AADACL4: variants seen among roughly 807,000 people sequenced by gnomAD.
AADACL4 encodes the protein arylacetamide deacetylase like 4.
AADACL4 carries 9 observed loss-of-function variants against 14.1 expected under a neutral mutation model. That is an observed-to-expected ratio of 0.64 (90% confidence interval 0.39 to 1.12). The LOEUF (loss-of-function observed/expected upper bound fraction) is 1.12. Ranked by LOEUF, AADACL4 falls within the 50% of genes most tolerant of loss-of-function variation. AADACL4 has a pLI of 0.01. For missense variants in AADACL4, 531 were observed against 516.1 expected (o/e 1.03, Z -0.28); for synonymous variants, 188 against 201.6 (o/e 0.93, Z 0.57).
At chr1:12,654,934 G>A (rs1459121356) in intron 2 of AADACL4, among the ~76,000 whole-genome samples, 3 of 152,110 alleles carry the variant, frequency 2.0e-5, no homozygotes, top group Admixed American at 6.5e-5. Flanking sequence ...GAATAAATAC[G>A]AGTCTCGCTG....
At position 12,651,093 on chromosome 1, in the gene AADACL4, C is replaced by T. The variant is rs117928838; in HGVS notation, c.169-30C>T. On this transcript the variant is annotated intron_variant, in intron 1 of 3. Coordinates refer to ENST00000376221, the MANE Select transcript of AADACL4 (RefSeq NM_001013630.2). ...CCATCCAGATTCTAACCTCTCCTAA[C>T]GTCTGGCTTTCTTTTGTTACCTCCA... 4.4e-4 allele frequency: 695 copies of T among 1,594,344 alleles called. 2 individuals are homozygous for T. The highest frequency in any genetic ancestry group is 2.5e-3 in the East Asian group (110 of 44,794).
At chr1:12,651,002 G>A in intron 1 of AADACL4, 121 bp from the exon 2 acceptor site, 1 of 955,172 alleles carries the variant, frequency 1.0e-6, no homozygotes, top group Non-Finnish European at 1.6e-6. Context: ...AGAGCCCCCT[G>A]TACCTACAGG....
intron 2 of AADACL4, among the ~76,000 whole-genome samples, chr1:12,657,507 A>C (rs754465923): frequency 1.5e-4 from 23 of 152,200 alleles, no homozygotes; most frequent in Non-Finnish European, 2.6e-4. Flanking sequence ...TGACACTATC[A>C]TGAGAATGAA....
At position 12,648,375 on chromosome 1, in the gene AADACL4, T is replaced by G. The variant is rs556096643; in HGVS notation, c.169-2748T>G. Reference sequence around the variant, plus strand: ...TTCCTTCCTTCCTTCCTTCCTTCCTTCCTTCCTTCCTTCCTTTCTTTCCTT... The same window carrying G: ...TTCCTTCCTTCCTTCCTTCCTTCCTGCCTTCCTTCCTTCCTTTCTTTCCTT... On this transcript the variant is annotated intron_variant, in intron 1 of 3. Transcript: ENST00000376221. Among the ~76,000 whole-genome samples, 7 of 149,846 alleles carry G rather than the reference T, an allele frequency of 4.7e-5. No individual in the cohort carries two copies. In the East Asian group the frequency reaches 1.4e-3, roughly 30 times the overall value.
Position 12,667,006 on chromosome 1 carries a change from A to C in AADACL4, c.*271A>C. The C allele has an allele frequency of 2.1e-6, 1 of 467,082 alleles. No individual in the cohort carries two copies. The allele number at this position is 467,082 out of a possible 1,614,324, so 28.9% of individuals were successfully genotyped here. ...GGTGAAATAAATATCAAAAGGAGAA[A>C]AAAATGCCTTTAAAAATTTCTCAAA... On this transcript the variant is annotated 3_prime_UTR_variant, in exon 4 of 4. Transcript: ENST00000376221.
At position 12,666,896 on chromosome 1, in the gene AADACL4, A is replaced by G. The variant is rs1647354313; in HGVS notation, c.*161A>G. 1 of 674,206 alleles carries G rather than the reference A, an allele frequency of 1.5e-6. No homozygotes were observed. The highest frequency in any genetic ancestry group is 2.8e-5 in the South Asian group (1 of 36,248). The allele number at this position is 674,206 out of a possible 1,614,324, so 41.8% of individuals were successfully genotyped here. ...AGCTAACAGTCTTGCTTAGTATTCA[A>G]GAAAATCCAAACTGTGTCTGTTTCC... On this transcript the variant is annotated 3_prime_UTR_variant, in exon 4 of 4. Transcript: ENST00000376221.
Position 12,644,255 on chromosome 1 carries a change from C to T in AADACL4, c.-292C>T, listed in dbSNP as rs1647095876. Among the ~76,000 whole-genome samples the T allele has an allele frequency of 6.6e-6, 1 of 152,238 alleles. No individual in the cohort carries two copies. The highest frequency in any genetic ancestry group is 1.5e-5 in the Non-Finnish European group (1 of 68,044). ...GGTTCCCAGGAGCCGAGGTGCCCAT[C>T]TGAGCCTGATCTTCCTGAAATCTTT... On this transcript the variant is annotated 5_prime_UTR_variant, in exon 1 of 4. Transcript: ENST00000376221.
chr1:12,654,056 C>T (rs1181440496), intron 2 of AADACL4, among the ~76,000 whole-genome samples: 2 of 152,148 alleles, frequency 1.3e-5, no homozygotes, highest in Admixed American at 1.3e-4. Flanking sequence ...ATAGTAGTTC[C>T]AGGATCAGTT....
At chr1:12,648,363 T>G (rs1647124815) in intron 1 of AADACL4, among the ~76,000 whole-genome samples, 1 of 149,222 alleles carries the variant, frequency 6.7e-6, no homozygotes, top group African/African-American at 2.5e-5. Context: ...CTTCCTTCCT[T>G]CCTTCCTTCC....
chr1:12,650,686 C>T lies in AADACL4; in HGVS notation c.169-437C>T, dbSNP rs568122283. On this transcript the variant is annotated intron_variant, in intron 1 of 3. Coordinates refer to ENST00000376221, the MANE Select transcript of AADACL4 (RefSeq NM_001013630.2). ...TAGCTGGGACTACAGGCGCTCGCCA[C>T]CATGCCCAGCTGATTTTTGTAATTT... Among the ~76,000 whole-genome samples, 28 of 152,258 alleles carry T rather than the reference C, an allele frequency of 1.8e-4. 1 individual carries two copies. The South Asian group carries it at 5.4e-3, about 29-fold the overall frequency.
At chr1:12,654,301 G>A (rs1018476674) in intron 2 of AADACL4, among the ~76,000 whole-genome samples, 1 of 152,236 alleles carries the variant, frequency 6.6e-6, no homozygotes, top group Non-Finnish European at 1.5e-5. Flanking sequence ...AGGAGGCCAT[G>A]TTTTAACAAC....
At chr1:12,655,700 C>T (rs1467890694) in intron 2 of AADACL4, among the ~76,000 whole-genome samples, 1 of 152,254 alleles carries the variant, frequency 6.6e-6, no homozygotes, top group East Asian at 1.9e-4. Context: ...TGGGCTTGCA[C>T]TTCATCCCAT....
chr1:12,646,183 G>A (rs1647110048), intron 1 of AADACL4, among the ~76,000 whole-genome samples: 3 of 152,166 alleles, frequency 2.0e-5, no homozygotes, highest in Non-Finnish European at 2.9e-5. Context: ...AGGAGGCCAC[G>A]CTTAACTGAC....
chr1:12,652,543 T>C (rs1276759108), intron 2 of AADACL4, among the ~76,000 whole-genome samples: 2 of 151,994 alleles, frequency 1.3e-5, no homozygotes, highest in African/African-American at 2.4e-5. Context: ...AGTCAGAAAA[T>C]AGTGAAAATA....
chr1:12,658,186 TTC>T (rs1234470991), intron 2 of AADACL4, among the ~76,000 whole-genome samples: 3 of 147,974 alleles, frequency 2.0e-5, no homozygotes, highest in South Asian at 2.2e-4. Context: ...CTCTCTTTCT[TTC>T]TCTCTTTCTT....
chr1:12,647,422 A>G (rs1234893024), intron 1 of AADACL4, among the ~76,000 whole-genome samples: 2 of 151,942 alleles, frequency 1.3e-5, no homozygotes, highest in African/African-American at 4.8e-5. Flanking sequence ...TTATAGGGTG[A>G]CATGGGGATT....
chr1:12,657,543 A>G (rs3010936), intron 2 of AADACL4, among the ~76,000 whole-genome samples: 2,566 of 152,286 alleles, frequency 0.017, 64 homozygotes, highest in African/African-American at 0.057. Flanking sequence ...GAAAATGGTG[A>G]AAGTACGGAG....
Position 12,666,363 on chromosome 1 carries a change from G to T in AADACL4, c.852G>T (p.Trp284Cys). 1 of 1,614,124 alleles carries T rather than the reference G, an allele frequency of 6.2e-7. No individual in the cohort carries two copies. The highest frequency in any genetic ancestry group is 8.5e-7 in the Non-Finnish European group (1 of 1,180,032). Residue 284 changes from tryptophan to cysteine, a missense_variant, in exon 4 of 4, where the codon TGG becomes TGT. Coordinates refer to ENST00000376221, the MANE Select transcript of AADACL4 (RefSeq NM_001013630.2). Reference sequence around the variant, plus strand: ...ACGTCTGGAGGAAGTACGAGAAGTGGCTCAGCCCTGACAACATCCCCAAGA... The same window carrying T: ...ACGTCTGGAGGAAGTACGAGAAGTGTCTCAGCCCTGACAACATCCCCAAGA... ...PPDVWRKYEK[W>C]LSPDNIPKKF...
At position 12,644,573 on chromosome 1, in the gene AADACL4, C is replaced by T; in HGVS notation, c.27C>T (p.Leu9=). The T allele has an allele frequency of 3.7e-6, 6 of 1,614,166 alleles. No individual in the cohort carries two copies. Among genetic ancestry groups the T allele is most frequent in the Non-Finnish European group, 4.2e-6 (5 of 1,180,014 alleles). The change falls in exon 1 of 4, where the codon CTC becomes CTT. Residue 9 remains leucine (L), a synonymous_variant. Transcript: ENST00000376221. The part of the protein sequence containing the change: MAVPWLVL[L]LALPIFFLGV... ...TGGCTGTCCCCTGGCTAGTGCTACT[C>T]TTGGCATTGCCCATCTTTTTCCTGG...
Sources: allele counts gnomAD v4.1 joint callset (sites outside exome capture counted in the v4.1 genomes callset), GRCh38; gene constraint gnomAD v4.1.1; transcripts MANE v1.5; gene names NCBI Gene and HGNC (gene_info 2026-07-23, HGNC 2026-07-21).